Variants in LAS1L observed in about 807,000 individuals in gnomAD.
The protein encoded by LAS1L is ribosomal biogenesis protein LAS1L.
Under a neutral mutation model 57.3 loss-of-function variants are expected in LAS1L, and 5 were observed. That is an observed-to-expected ratio of 0.09 (90% CI 0.05 to 0.18). The LOEUF (loss-of-function observed/expected upper bound fraction) is 0.18, where lower values mean the gene tolerates loss of function less well. LAS1L is among the 10% of genes least tolerant of loss of function. The pLI is 1.00. For synonymous variants in LAS1L, 245 were observed against 231.7 expected (o/e 1.06, Z -0.52); for missense variants, 360 against 568.3 (o/e 0.63, Z 3.73).
In LAS1L at chrX:65,518,250, T is replaced by G. The variant is rs2068723130; in HGVS notation, c.1664A>C (p.Gln555Pro). ...SFGSEAKAQQ[Q>P]EEQGSVNDVK... ...ATCATTAACACTGCCCTGCTCCTCC[T>G]GTTGCTGGGCCTTTGCTTCAGACCC... Residue 555 changes from glutamine (Q) to proline (P), a missense_variant, in exon 12 of 14, where the codon CAG (glutamine) becomes CCG (proline). By Grantham distance (76) the Gln-to-Pro change is moderately conservative. This residue lies in a region of LAS1L where 123 missense variants were observed against 168.3 expected (regional missense o/e 0.73). Transcript: ENST00000374811. 1.2e-5 allele frequency: 14 copies of G among 1,210,692 alleles called. No homozygotes were observed. The highest frequency in any genetic ancestry group is 1.6e-5 in the Non-Finnish European group (14 of 895,357).
At chrX:65,513,659 G>A (rs2068524446) in intron 13 of LAS1L, among the ~76,000 whole-genome samples, 2 of 112,487 alleles carry the variant, frequency 1.8e-5, no homozygotes, top group African/African-American at 6.5e-5. Flanking sequence ...GGGTGGAGCT[G>A]AGACAAGAAG....
At chrX:65,533,451 A>T (rs1463710015) in intron 2 of LAS1L, among the ~76,000 whole-genome samples, 159 bp downstream of exon 2, 1 of 111,115 alleles carries the variant, frequency 9.0e-6, no homozygotes, top group African/African-American at 3.3e-5. Context: ...AGGGTACCAA[A>T]AGCTGATAAG....
chrX:65,532,063 G>C (rs1396987950), intron 3 of LAS1L, among the ~76,000 whole-genome samples: 2 of 112,286 alleles, frequency 1.8e-5, no homozygotes, highest in Non-Finnish European at 3.8e-5. Context: ...TTCTCCCTGA[G>C]TATCCTTTAC....
chrX:65,528,947 T>G (rs2069322731), intron 6 of LAS1L, among the ~76,000 whole-genome samples: 1 of 111,971 alleles, frequency 8.9e-6, no homozygotes, highest in African/African-American at 3.2e-5. Flanking sequence ...AACTACCCAT[T>G]CCCAGTTGTT....
chrX:65,516,869 A>G (rs1001562286), intron 12 of LAS1L, among the ~76,000 whole-genome samples: 15 of 110,766 alleles, frequency 1.4e-4, no homozygotes, highest in Non-Finnish European at 2.5e-4. Context: ...TGTCCATACA[A>G]GGACAAACAA....
At chrX:65,516,636 T>TACACACACACAC (rs57356313) in intron 12 of LAS1L, among the ~76,000 whole-genome samples, 3 of 89,569 alleles carry the variant, frequency 3.3e-5, no homozygotes, top group Non-Finnish European at 6.7e-5. Context: ...CTTTTTCCTA[T>TACACACACACAC]ACACACACAC....
chrX:65,517,413 A>C (rs1345954434), intron 12 of LAS1L, among the ~76,000 whole-genome samples: 1 of 109,597 alleles, frequency 9.1e-6, no homozygotes, highest in Non-Finnish European at 1.9e-5. Context: ...ACGCCCAGCT[A>C]ATTTTTTTTT....
At position 65,523,721 on chromosome X, in the gene LAS1L, G is replaced by A; in HGVS notation, c.1301-14C>T. 3 of 1,172,683 alleles carry A rather than the reference G, an allele frequency of 2.6e-6. No homozygotes were observed. The highest frequency in any genetic ancestry group is 3.4e-6 in the Non-Finnish European group (3 of 875,574). On this transcript the variant is annotated splice_polypyrimidine_tract_variant and intron_variant, in intron 10 of 13. Coordinates refer to ENST00000374811, the MANE Select transcript of LAS1L (RefSeq NM_031206.7). Reference sequence around the variant, plus strand: ...GAGCATTCCGTCCTGAGAGAGAAGAGAGGATCTAAGGAGAAGGAAGCAGTG... The same window carrying A: ...GAGCATTCCGTCCTGAGAGAGAAGAAAGGATCTAAGGAGAAGGAAGCAGTG...
At position 65,523,723 on chromosome X, in the gene LAS1L, G is replaced by A; in HGVS notation, c.1301-16C>T. On this transcript the variant is annotated splice_polypyrimidine_tract_variant and intron_variant, in intron 10 of 13. Coordinates refer to ENST00000374811, the MANE Select transcript of LAS1L (RefSeq NM_031206.7). ...GCATTCCGTCCTGAGAGAGAAGAGA[G>A]GATCTAAGGAGAAGGAAGCAGTGAG... The A allele has an allele frequency of 8.6e-7, 1 of 1,162,293 alleles. No individual in the cohort carries two copies. Among genetic ancestry groups the A allele is most frequent in the Non-Finnish European group, 1.1e-6 (1 of 869,663 alleles).
intron 11 of LAS1L, chrX:65,518,862 A>G (rs1257361204): frequency 1.3e-6 from 1 of 753,633 alleles, no homozygotes; most frequent in Admixed American, 8.6e-5. Flanking sequence ...CTGGAAATGA[A>G]CAGATCCCTC....
chrX:65,532,184 A>G (rs1468522124), intron 3 of LAS1L, among the ~76,000 whole-genome samples: 1 of 112,042 alleles, frequency 8.9e-6, no homozygotes, highest in Non-Finnish European at 1.9e-5. Context: ...TGTCTGAGTT[A>G]CAGAAGTAGA....
chrX:65,534,407 T>G, intron 1 of LAS1L, 73 bp downstream of exon 1: 4 of 789,755 alleles, frequency 5.1e-6, no homozygotes, highest in Non-Finnish European at 6.9e-6. Flanking sequence ...AACAGGGCCT[T>G]ATAGAAACTC....
intron 7 of LAS1L, among the ~76,000 whole-genome samples, chrX:65,525,764 A>G (rs1413169658): frequency 1.9e-5 from 2 of 107,984 alleles, no homozygotes; most frequent in Non-Finnish European, 3.8e-5. Context: ...AAAAAAAAAA[A>G]AAAAGAAAGA....
At chrX:65,519,996 G>C (rs1404423812) in intron 11 of LAS1L, among the ~76,000 whole-genome samples, 1 of 112,122 alleles carries the variant, frequency 8.9e-6, no homozygotes, top group East Asian at 2.8e-4. Context: ...GTCCTCTCAT[G>C]GTGGTCCATT....
At chrX:65,517,246 CTTTCTTT>C (rs2068670880) in intron 12 of LAS1L, among the ~76,000 whole-genome samples, 1 of 88,524 alleles carries the variant, frequency 1.1e-5, no homozygotes, top group African/African-American at 8.7e-5. Context: ...TTCTTTCTTT[CTTTCTTT>C]TTTTTTTTTT....
At chrX:65,523,400 C>A (rs977654974) in intron 11 of LAS1L, 160 bp downstream of exon 11, 1 of 497,522 alleles carries the variant, frequency 2.0e-6, no homozygotes. Flanking sequence ...GAAAACCCTA[C>A]CCCTCCCCTC....
At chrX:65,526,860 T>G (rs1361924991) in intron 7 of LAS1L, among the ~76,000 whole-genome samples, 1 of 111,129 alleles carries the variant, frequency 9.0e-6, no homozygotes, top group Non-Finnish European at 1.9e-5. Flanking sequence ...AGGTCCCGCC[T>G]CTATTCCCCT....
chrX:65,528,277 G>A lies in LAS1L; in HGVS notation c.939C>T (p.Gly313=). 8.4e-7 allele frequency: 1 copy of A among 1,195,104 alleles called. No homozygotes were observed. The highest frequency in any genetic ancestry group is 1.1e-6 in the Non-Finnish European group (1 of 882,474). ...RVECVLAELK[G]VTCENREAVL... is the part of the protein sequence containing the mutation. ...TTACACACCTGTTCTCGCATGTAACGCCCTTGAGCTCTGCCAGGACACATT... is the reference window on the plus strand; with the variant it reads ...TTACACACCTGTTCTCGCATGTAACACCCTTGAGCTCTGCCAGGACACATT... Residue 313 remains glycine (G), a synonymous_variant, in exon 7 of 14, where the codon GGC becomes GGT. Coordinates refer to ENST00000374811, the MANE Select transcript of LAS1L (RefSeq NM_031206.7).
intron 11 of LAS1L, among the ~76,000 whole-genome samples, chrX:65,519,730 C>T (rs1017624801): frequency 7.0e-4 from 78 of 110,883 alleles, no homozygotes; most frequent in Non-Finnish European, 1.1e-3. Flanking sequence ...CAGATGGATG[C>T]GGATGGTTCA....
Sources: gnomAD v4.1 joint callset for allele counts (sites outside exome capture counted in the v4.1 genomes callset) on GRCh38, gnomAD v4.1.1 for gene constraint, gnomAD v4.1.1 regional missense constraint, MANE v1.5 for transcripts, NCBI Gene and HGNC (gene_info 2026-07-23, HGNC 2026-07-21) for gene names.